The following TBXAS1 variants were observed in gnomAD, a reference collection of about 807,000 sequenced individuals.
The protein encoded by TBXAS1 is thromboxane-A synthase.
TBXAS1 carries 48 observed loss-of-function variants against 60.7 expected under a neutral mutation model. The ratio of observed to expected loss-of-function variants is 0.79; its 90% CI spans 0.63 to 1.01. TBXAS1 has a LOEUF of 1.01. Among genes scored for constraint, TBXAS1 ranks in the 50% least tolerant of loss-of-function variants. The pLI is 0.00. For synonymous variants in TBXAS1, 287 were observed against 269.7 expected, an observed-to-expected ratio of 1.06 and a Z score of -0.63; for missense variants, 685 against 686.3, an observed-to-expected ratio of 1.00 and a Z score of 0.02.
At position 139,778,821 on chromosome 7, in the gene TBXAS1, T is replaced by A. The variant is rs1796877225; in HGVS notation, c.-318+350T>A. 6.6e-6 allele frequency among the ~76,000 whole-genome samples: 1 copy of A among 152,126 alleles called. No homozygotes were observed. Among genetic ancestry groups the A allele is most frequent in the African/African-American group, 2.4e-5 (1 of 41,426 alleles). ...TCCCCAGCCGGGAGCCTCTCCAGGT[T>A]TGCTTCTCCAGCTGCCTCCCGGATG... is the stretch of plus-strand genomic sequence containing the variant. On this transcript the variant is annotated intron_variant, in intron 1 of 16. Coordinates refer to the TBXAS1 transcript ENST00000336425. This position sits in a 1 kb window ranked among gnomAD's most constrained non-coding sequence, Gnocchi z 4.8.
intron 9 of TBXAS1, among the ~76,000 whole-genome samples, chr7:139,963,962 G>C (rs1053762842): frequency 6.6e-6 from 1 of 152,170 alleles, no homozygotes; most frequent in Non-Finnish European, 1.5e-5. Flanking sequence ...AGCCTGTCAA[G>C]AGTGTCTGGG....
chr7:139,878,064 A>G (rs915864058), intron 3 of TBXAS1, among the ~76,000 whole-genome samples: 1 of 151,862 alleles, frequency 6.6e-6, no homozygotes, highest in South Asian at 2.1e-4. Flanking sequence ...GTAAATGCCA[A>G]ATTAAGAGTT....
intron 1 of TBXAS1, among the ~76,000 whole-genome samples, chr7:139,869,507 C>T (rs533096222): frequency 1.3e-5 from 2 of 152,264 alleles, no homozygotes; most frequent in African/African-American, 4.8e-5. Flanking sequence ...CTTATCTTAG[C>T]CTCCCGATTT....
In TBXAS1 at chr7:139,778,967, G is replaced by A. The variant is rs1033329796; in HGVS notation, c.-318+496G>A. On this transcript the variant is annotated intron_variant, in intron 1 of 16. Coordinates refer to the TBXAS1 transcript ENST00000336425. The surrounding 1 kb of genome is among the most constrained non-coding windows in gnomAD (Gnocchi z 4.8). ...AATAGATCATAAAATAAATGCAGCG[G>A]AAGGCAACCAGCTTTCAAAAAGAAC... Among the ~76,000 whole-genome samples, 37 of 152,164 alleles carry A rather than the reference G, an allele frequency of 2.4e-4. No individual in the cohort carries two copies. Among genetic ancestry groups the A allele is most frequent in the African/African-American group, 8.7e-4 (36 of 41,432 alleles).
rs1800323125 is a variant in TBXAS1, at chr7:139,852,940, A to C, written c.90-19295A>C. Among the ~76,000 whole-genome samples the C allele has an allele frequency of 4.9e-5, 1 of 20,484 alleles. No homozygotes were observed. Among genetic ancestry groups the C allele is most frequent in the Non-Finnish European group, 7.1e-5 (1 of 14,030 alleles). The allele number at this position is 20,484 out of a possible 152,430, so 13.4% of individuals were successfully genotyped here. On this transcript the variant is annotated intron_variant, in intron 1 of 12. Coordinates refer to ENST00000448866, the MANE Select transcript of TBXAS1 (RefSeq NM_001061.7). This position sits in a 1 kb window ranked among gnomAD's most constrained non-coding sequence, Gnocchi z 4.4. ...ACCAACCTTGGCTACTCCAATACAC[A>C]CACACACACACACACACACACACAC...
upstream of TBXAS1, among the ~76,000 whole-genome samples, chr7:139,826,065 G>T (rs1461319795): frequency 6.6e-6 from 1 of 152,080 alleles, no homozygotes; most frequent in African/African-American, 2.4e-5. Context: ...ACTGAGTTAA[G>T]TGTTATCCAC....
intron 4 of TBXAS1, among the ~76,000 whole-genome samples, chr7:139,821,571 AG>A (rs1209180935): frequency 1.3e-5 from 2 of 152,222 alleles, no homozygotes; most frequent in Non-Finnish European, 1.5e-5. Context: ...CTTGAAGCAG[AG>A]CGATAGCTCT....
At chr7:139,828,395 GTTGGGAGAGGAGGGTCTCCCTTT>G (rs1012743251), upstream of TBXAS1, among the ~76,000 whole-genome samples, 2 of 152,172 alleles carry the variant, frequency 1.3e-5, no homozygotes. Context: ...GGGGGATTGT[GTTGGGAGAGGAGGGTCTCCCTTT>G]CCCACTTCCG....
chr7:140,004,221 A>G lies in TBXAS1; in HGVS notation c.1135-2870A>G, dbSNP rs996449853. Among the ~76,000 whole-genome samples the G allele has an allele frequency of 8.5e-5, 13 of 152,350 alleles. No homozygotes were observed. The highest frequency in any genetic ancestry group is 1.8e-4 in the Non-Finnish European group (12 of 68,026). ...TACAGGATCTGTGAGGCCCAGTGAG[A>G]AATAAAAGCGTGGTAGCCTTTATTC... On this transcript the variant is annotated intron_variant, in intron 9 of 12. Transcript: ENST00000448866. This position sits in a 1 kb window ranked among gnomAD's most constrained non-coding sequence, Gnocchi z 5.1.
chr7:139,968,034 T>C (rs573578611), intron 9 of TBXAS1, among the ~76,000 whole-genome samples: 1 of 152,340 alleles, frequency 6.6e-6, no homozygotes, highest in East Asian at 1.9e-4. Context: ...CCTTATTGCA[T>C]CCTTCACCAT....
intron 9 of TBXAS1, among the ~76,000 whole-genome samples, chr7:139,984,182 A>G (rs1417230133): frequency 1.3e-5 from 2 of 152,210 alleles, no homozygotes; most frequent in African/African-American, 4.8e-5. Context: ...TTCACTGTTT[A>G]AAGGGGATAA....
chr7:139,824,260 G>A (rs1203411565), intron 4 of TBXAS1, among the ~76,000 whole-genome samples: 1 of 152,184 alleles, frequency 6.6e-6, no homozygotes, highest in African/African-American at 2.4e-5. Context: ...AAAGCTCTGT[G>A]GGGAGCCCTA....
Position 139,936,318 on chromosome 7 carries a change from AG to A in TBXAS1, c.450+12del, listed in dbSNP as rs774636165. 1.2e-6 allele frequency: 2 copies of A among 1,612,490 alleles called. No individual in the cohort carries two copies. Among genetic ancestry groups the A allele is most frequent in the Non-Finnish European group, 1.7e-6 (2 of 1,178,688 alleles). On this transcript the variant is annotated intron_variant, in intron 5 of 12. Transcript: ENST00000448866. ...GAAAAGCTGAACGAGGTAAGACATGAGAAATGCAAACTCTCTTCTCTTACGG... is the reference window on the plus strand; with the variant it reads ...GAAAAGCTGAACGAGGTAAGACATGAAAATGCAAACTCTCTTCTCTTACGG...
intron 4 of TBXAS1, among the ~76,000 whole-genome samples, chr7:139,926,637 G>A (rs1806901187): frequency 1.3e-5 from 2 of 148,852 alleles, no homozygotes; most frequent in Non-Finnish European, 3.0e-5. Flanking sequence ...ATTTATTTCT[G>A]CTGTGATCTT....
intron 3 of TBXAS1, among the ~76,000 whole-genome samples, chr7:139,905,001 TTC>T (rs201883190): frequency 4.1e-5 from 4 of 97,954 alleles, no homozygotes; most frequent in Non-Finnish European, 6.0e-5. Context: ...CTTTCTCTCT[TTC>T]TCTCTTTCTT....
chr7:139,881,859 C>G (rs987235655), intron 3 of TBXAS1, among the ~76,000 whole-genome samples: 5 of 152,136 alleles, frequency 3.3e-5, no homozygotes, highest in African/African-American at 2.4e-5. Context: ...TTTTTAGCAC[C>G]ATTTTTAAAA....
chr7:139,861,142 C>G (rs1800932007), intron 1 of TBXAS1, among the ~76,000 whole-genome samples: 1 of 151,058 alleles, frequency 6.6e-6, no homozygotes, highest in African/African-American at 2.4e-5. Flanking sequence ...CCATTGTACT[C>G]CAGCCTGGGC....
At chr7:139,888,364 T>C (rs979093258) in intron 3 of TBXAS1, among the ~76,000 whole-genome samples, 8 of 152,172 alleles carry the variant, frequency 5.3e-5, no homozygotes. Context: ...TCTTACTGAC[T>C]TCTGCTTCCT....
Position 139,980,288 on chromosome 7 carries a change from C to T in TBXAS1, c.1134+18055C>T, listed in dbSNP as rs148954367. On this transcript the variant is annotated intron_variant, in intron 9 of 12. Coordinates refer to ENST00000448866, the MANE Select transcript of TBXAS1 (RefSeq NM_001061.7). The stretch of plus-strand genomic sequence containing the variant: ...GGATGAAACATCACCCCTACCTCCA[C>T]ATCTTATTTCCTGTATCAAATTTCG... 2.9e-3 allele frequency among the ~76,000 whole-genome samples: 448 copies of T among 152,164 alleles called. 5 individuals carry two copies. The highest frequency in any genetic ancestry group is 7.5e-3 in the East Asian group (39 of 5,176).
Sources: gnomAD v4.1 joint callset for allele counts (sites outside exome capture counted in the v4.1 genomes callset) on GRCh38, gnomAD v4.1.1 for gene constraint, Gnocchi (gnomAD v3.1) non-coding constraint, MANE v1.5 for transcripts, NCBI Gene and HGNC (gene_info 2026-07-23, HGNC 2026-07-21) for gene names.